Variants in MTPAP observed in about 807,000 individuals in gnomAD.
MTPAP encodes mitochondrial poly(A) polymerase.
In MTPAP, 23 loss-of-function variants were observed where a neutral mutation model predicts 48.7. That is an observed-to-expected ratio of 0.47 (90% CI 0.34 to 0.67). The LOEUF is 0.67. MTPAP is among the 30% of genes least tolerant of loss of function. The pLI, the probability that MTPAP is intolerant of heterozygous loss-of-function variation, is 0.01. For missense variants in MTPAP, 614 were observed against 694.3 expected (o/e 0.88, Z 1.30); for synonymous variants, 257 against 254.1 (o/e 1.01, Z -0.11).
chr10:30,342,074 A>G (rs1042418638), intron 1 of MTPAP, among the ~76,000 whole-genome samples: 2 of 152,068 alleles, frequency 1.3e-5, no homozygotes, highest in Non-Finnish European at 2.9e-5. Flanking sequence ...CATCTGTACT[A>G]AAAATACAAA....
In MTPAP at chr10:30,322,455, G is replaced by A; in HGVS notation, c.1155C>T (p.Ile385=). The A allele has an allele frequency of 1.2e-6, 2 of 1,613,788 alleles. No homozygotes were observed. The highest frequency in any genetic ancestry group is 2.2e-5 in the East Asian group (1 of 44,876). ...ITNFSLTMMV[I]FFLQRRSPPI... ...GGGGTGATCTTCTCTGGAGAAAAAA[G>A]ATGACCATCATTGTAAGGGAGAAAT... Residue 385 remains isoleucine (I), a synonymous_variant, in exon 6 of 9, where the codon ATC becomes ATT. Coordinates refer to ENST00000263063, the MANE Select transcript of MTPAP (RefSeq NM_018109.4).
intron 4 of MTPAP, among the ~76,000 whole-genome samples, chr10:30,330,509 TA>T (rs1202990763): frequency 6.6e-6 from 1 of 152,186 alleles, no homozygotes; most frequent in Non-Finnish European, 1.5e-5. Context: ...AGAGATTTTT[TA>T]AATTAAGTAC....
intron 4 of MTPAP, among the ~76,000 whole-genome samples, chr10:30,327,499 AAAATAAATAAATAAATAAAT>A (rs55642261): frequency 1.2e-4 from 16 of 138,896 alleles, no homozygotes; most frequent in Non-Finnish European, 1.8e-4. Flanking sequence ...ACTCCATTTC[AAAATAAATAAATAAATAAAT>A]AAATAAATAA....
chr10:30,321,996 C>T (rs568556875), intron 6 of MTPAP, among the ~76,000 whole-genome samples: 6 of 152,268 alleles, frequency 3.9e-5, no homozygotes, highest in South Asian at 2.1e-4. Context: ...TGAAACATCA[C>T]GAAGCAGTTT....
At chr10:30,320,894 G>A (rs540740194) in intron 6 of MTPAP, among the ~76,000 whole-genome samples, 4 of 152,240 alleles carry the variant, frequency 2.6e-5, no homozygotes, top group African/African-American at 7.2e-5. Flanking sequence ...TTTTCCCCAC[G>A]ATGGTTTCTA....
chr10:30,349,004 C>A, intron 1 of MTPAP, 115 bp downstream of exon 1: 1 of 1,475,990 alleles, frequency 6.8e-7, no homozygotes, highest in South Asian at 1.2e-5. Context: ...CAGGACACAG[C>A]CCCACCCTCT....
chr10:30,337,874 A>C (rs1343770815), intron 3 of MTPAP, among the ~76,000 whole-genome samples: 1 of 152,210 alleles, frequency 6.6e-6, no homozygotes, highest in Non-Finnish European at 1.5e-5. Context: ...CCACTAGAAG[A>C]CTGGCATTAA....
At chr10:30,325,173 ATAC>A (rs1293700117) in intron 5 of MTPAP, among the ~76,000 whole-genome samples, 2 of 152,190 alleles carry the variant, frequency 1.3e-5, no homozygotes, top group African/African-American at 4.8e-5. Context: ...CCTATTTTAC[ATAC>A]TACAAAGAAA....
chr10:30,334,067 G>GT (rs1170870934), intron 4 of MTPAP, among the ~76,000 whole-genome samples: 1 of 152,132 alleles, frequency 6.6e-6, no homozygotes. Context: ...ATCTGCCCAA[G>GT]TTTATTATAT....
rs184802476 is a variant in MTPAP, at chr10:30,344,288, G to T, written c.158-2648C>A. On this transcript the variant is annotated intron_variant, in intron 1 of 8. Coordinates refer to ENST00000263063, the MANE Select transcript of MTPAP (RefSeq NM_018109.4). ...GAACTATCTATGTCTTCTTCCTTCT[G>T]GTTGGAATGTCTACCTTCTCATTTT... Among the ~76,000 whole-genome samples the T allele has an allele frequency of 3.6e-3, 541 of 152,084 alleles. 2 individuals carry two copies. Among genetic ancestry groups the T allele is most frequent in the Middle Eastern group, 6.8e-3 (2 of 294 alleles).
At chr10:30,341,786 T>C in intron 1 of MTPAP, 146 bp from the exon 2 acceptor site, 1 of 853,406 alleles carries the variant, frequency 1.2e-6, no homozygotes. Context: ...GGTTAAACTA[T>C]ACTACAGTAG....
rs1304743970 is a variant in MTPAP, at chr10:30,311,721, G to C, written c.*1888C>G. The C allele has an allele frequency of 6.6e-6, 1 of 152,592 alleles. No individual in the cohort carries two copies. Among genetic ancestry groups the C allele is most frequent in the Non-Finnish European group, 1.5e-5 (1 of 68,366 alleles). The allele number at this position is 152,592 out of a possible 1,614,324, so 9.5% of individuals were successfully genotyped here. ...TCACTGTCGCCCAGGATGGAGTACA[G>C]TGCTGTGATCTCAGCTCACTGCAGC... On this transcript the variant is annotated 3_prime_UTR_variant, in exon 9 of 9. Transcript: ENST00000263063.
chr10:30,329,844 C>T (rs1834644412), intron 4 of MTPAP, among the ~76,000 whole-genome samples: 1 of 151,842 alleles, frequency 6.6e-6, no homozygotes, highest in African/African-American at 2.4e-5. Flanking sequence ...TACATCCATT[C>T]AATGGAGTAT....
chr10:30,324,816 A>C (rs1427891840), intron 5 of MTPAP, among the ~76,000 whole-genome samples: 1 of 152,142 alleles, frequency 6.6e-6, no homozygotes, highest in Non-Finnish European at 1.5e-5. Context: ...AGCCTGGCCA[A>C]CATGATGAAA....
intron 1 of MTPAP, among the ~76,000 whole-genome samples, chr10:30,348,414 A>C (rs1834895667): frequency 6.6e-6 from 1 of 152,252 alleles, no homozygotes; most frequent in Admixed American, 6.5e-5. Flanking sequence ...CATTTTCTAC[A>C]TCTGTAAAAT....
At chr10:30,337,648 T>G (rs1489689269) in intron 3 of MTPAP, among the ~76,000 whole-genome samples, 1 of 152,162 alleles carries the variant, frequency 6.6e-6, no homozygotes, top group East Asian at 1.9e-4. Flanking sequence ...AAAATGAAAG[T>G]TGGCTAGAAT....
intron 4 of MTPAP, among the ~76,000 whole-genome samples, chr10:30,331,820 G>C (rs533518746): frequency 2.4e-4 from 37 of 152,216 alleles, no homozygotes; most frequent in Non-Finnish European, 4.3e-4. Context: ...GCCCACCTTG[G>C]CCTCCCAAAG....
At chr10:30,316,998 C>T (rs1476635897) in intron 6 of MTPAP, among the ~76,000 whole-genome samples, 8 of 152,176 alleles carry the variant, frequency 5.3e-5, no homozygotes, top group South Asian at 2.1e-4. Context: ...GATTAAATAA[C>T]GATTTAATCT....
chr10:30,347,276 A>T (rs1417566582), intron 1 of MTPAP, among the ~76,000 whole-genome samples: 1 of 152,244 alleles, frequency 6.6e-6, no homozygotes, highest in Non-Finnish European at 1.5e-5. Context: ...AGGCTGACCA[A>T]AAATGGAATT....
Sources: gnomAD v4.1 joint callset for allele counts (sites outside exome capture counted in the v4.1 genomes callset) on GRCh38, gnomAD v4.1.1 for gene constraint, MANE v1.5 for transcripts, NCBI Gene and HGNC (gene_info 2026-07-23, HGNC 2026-07-21) for gene names.